The following CDH12 variants were observed in gnomAD, a reference collection of about 807,000 sequenced individuals.
CDH12 encodes the protein cadherin-12.
A neutral mutation model predicts 74.1 loss-of-function variants in CDH12; 41 were observed. That is an observed-to-expected ratio of 0.55 (90% CI 0.43 to 0.72). The LOEUF is 0.72. Among genes scored for constraint, CDH12 ranks in the 30% least tolerant of loss-of-function variants. CDH12 has a pLI of 0.00. For missense variants in CDH12, 945 were observed against 977.2 expected (o/e 0.97, Z 0.44); for synonymous variants, 399 against 355.0 (o/e 1.12, Z -1.39).
chr5:22,823,253 G>A (rs1581036181), intron 1 of CDH12, among the ~76,000 whole-genome samples: 2 of 129,986 alleles, frequency 1.5e-5, no homozygotes, highest in South Asian at 6.0e-4. Flanking sequence ...GGAGGGGGGA[G>A]GGATAGCATT....
intron 3 of CDH12, among the ~76,000 whole-genome samples, chr5:22,360,190 T>A (rs1281140971): frequency 6.6e-6 from 1 of 151,928 alleles, no homozygotes; most frequent in Non-Finnish European, 1.5e-5. Flanking sequence ...CTAGCAAGAC[T>A]AATAAAGAAG....
chr5:22,733,608 T>C (rs1459360582), intron 1 of CDH12, among the ~76,000 whole-genome samples: 3 of 151,944 alleles, frequency 2.0e-5, no homozygotes, highest in Non-Finnish European at 4.4e-5. Flanking sequence ...GTGCATCAAT[T>C]TCCATGTAAA....
At chr5:22,496,021 T>C (rs1490301192) in intron 2 of CDH12, among the ~76,000 whole-genome samples, 1 of 152,202 alleles carries the variant, frequency 6.6e-6, no homozygotes, top group Non-Finnish European at 1.5e-5. Flanking sequence ...ACATAATCCT[T>C]ATAAACAACC....
intron 2 of CDH12, among the ~76,000 whole-genome samples, chr5:22,490,522 T>G (rs541572076): frequency 6.0e-5 from 9 of 150,190 alleles, no homozygotes; most frequent in African/African-American, 2.2e-4. Context: ...TATCCCCCAT[T>G]CATAAGAAAA....
chr5:22,295,481 A>C (rs548839314), intron 3 of CDH12, among the ~76,000 whole-genome samples: 26 of 152,062 alleles, frequency 1.7e-4, no homozygotes, highest in Non-Finnish European at 3.5e-4. Context: ...ACAAATTCAC[A>C]CTCTTTGATC....
chr5:21,782,194 G>T (rs1206470985), intron 11 of CDH12, among the ~76,000 whole-genome samples: 1 of 152,158 alleles, frequency 6.6e-6, no homozygotes, highest in African/African-American at 2.4e-5. Flanking sequence ...GCACCGCAAC[G>T]TGGCCTCTCT....
chr5:22,387,380 A>G (rs1742045501), intron 3 of CDH12, among the ~76,000 whole-genome samples: 1 of 152,164 alleles, frequency 6.6e-6, no homozygotes, highest in African/African-American at 2.4e-5. Flanking sequence ...TAGTTGTTAC[A>G]GCTTGTTGAC....
intron 9 of CDH12, among the ~76,000 whole-genome samples, chr5:21,802,780 C>T (rs2149924370): frequency 6.6e-6 from 1 of 151,736 alleles, no homozygotes; most frequent in African/African-American, 2.4e-5. Context: ...TAAGTAGAGA[C>T]GGGGTTTCAA....
intron 5 of CDH12, among the ~76,000 whole-genome samples, chr5:21,982,851 A>G (rs2150128778): frequency 6.6e-6 from 1 of 152,050 alleles, no homozygotes; most frequent in Non-Finnish European, 1.5e-5. Context: ...TAATTGCTGT[A>G]GTTTTATTTT....
intron 3 of CDH12, among the ~76,000 whole-genome samples, chr5:22,285,631 T>G (rs2150409942): frequency 6.6e-6 from 1 of 152,290 alleles, no homozygotes. Flanking sequence ...TTATATGGCA[T>G]TATACAAACC....
chr5:21,939,559 A>T (rs1245319644), intron 6 of CDH12, among the ~76,000 whole-genome samples: 4 of 152,058 alleles, frequency 2.6e-5, no homozygotes, highest in African/African-American at 9.7e-5. Context: ...TTGCCCTCAC[A>T]AAAGAAAATT....
intron 4 of CDH12, among the ~76,000 whole-genome samples, chr5:22,176,421 C>T (rs1239587138): frequency 6.6e-6 from 1 of 151,842 alleles, no homozygotes; most frequent in Non-Finnish European, 1.5e-5. Context: ...CAGATGATCA[C>T]GTTTGTTATA....
intron 1 of CDH12, among the ~76,000 whole-genome samples, chr5:22,607,238 T>G (rs540638602): frequency 6.6e-6 from 1 of 152,210 alleles, no homozygotes; most frequent in African/African-American, 2.4e-5. Flanking sequence ...AGGAGCTGAA[T>G]GTTAATCACC....
intron 4 of CDH12, among the ~76,000 whole-genome samples, chr5:22,134,277 G>A (rs1243643136): frequency 6.6e-6 from 1 of 152,214 alleles, no homozygotes; most frequent in Non-Finnish European, 1.5e-5. Context: ...GATGGTGAGC[G>A]TTCCGCTTGA....
At chr5:22,218,969 C>A (rs1192805838) in intron 3 of CDH12, among the ~76,000 whole-genome samples, 1 of 151,648 alleles carries the variant, frequency 6.6e-6, no homozygotes, top group East Asian at 1.9e-4. Context: ...TATTTTAAGA[C>A]AACTTTAAAC....
intron 9 of CDH12, among the ~76,000 whole-genome samples, chr5:21,804,051 C>T (rs1747288709): frequency 6.6e-6 from 1 of 152,012 alleles, no homozygotes; most frequent in African/African-American, 2.4e-5. Flanking sequence ...TATAGGTATT[C>T]CTTTTATCAT....
At chr5:21,801,654 G>C (rs1251145962) in intron 10 of CDH12, among the ~76,000 whole-genome samples, 1 of 152,146 alleles carries the variant, frequency 6.6e-6, no homozygotes, top group Non-Finnish European at 1.5e-5. Context: ...GACTCTAACT[G>C]TGTCTCTACT....
intron 6 of CDH12, among the ~76,000 whole-genome samples, chr5:21,886,769 G>A (rs948971480): frequency 6.6e-5 from 10 of 151,378 alleles, no homozygotes; most frequent in Admixed American, 5.9e-4. Context: ...TAGATGTTGG[G>A]GGAAGTGGTT....
intron 1 of CDH12, among the ~76,000 whole-genome samples, chr5:22,753,409 C>G (rs371488936): frequency 1.3e-5 from 2 of 149,270 alleles, no homozygotes; most frequent in African/African-American, 5.0e-5. Flanking sequence ...TGCACTTTAG[C>G]CTGGGAGACA....
Sources: gnomAD v4.1 joint callset for allele counts (sites outside exome capture counted in the v4.1 genomes callset) on GRCh38, gnomAD v4.1.1 for gene constraint, MANE v1.5 for transcripts, NCBI Gene and HGNC (gene_info 2026-07-23, HGNC 2026-07-21) for gene names.